KCNK3: variants seen among roughly 807,000 people sequenced by gnomAD.
The protein encoded by KCNK3 is potassium two pore domain channel subfamily K member 3, also known as potassium channel subfamily K member 3.
KCNK3 carries 9 observed loss-of-function variants against 27.3 expected under a neutral mutation model. The observed-to-expected ratio is 0.33, with a 90% CI of 0.20 to 0.57. The LOEUF (loss-of-function observed/expected upper bound fraction) is 0.57. Ranked by LOEUF, KCNK3 falls within the 20% of genes least tolerant of loss-of-function variation. The pLI is 0.87. For synonymous variants in KCNK3, 278 were observed against 273.8 expected (o/e 1.02, Z -0.15); for missense variants, 391 against 577.7 (o/e 0.68, Z 3.31).
intron 1 of KCNK3, among the ~76,000 whole-genome samples, chr2:26,699,674 C>T (rs1373380154): frequency 6.6e-6 from 1 of 152,128 alleles, no homozygotes; most frequent in African/African-American, 2.4e-5. Flanking sequence ...TCAGTGGAGA[C>T]CCAGGACGGA....
intron 1 of KCNK3, among the ~76,000 whole-genome samples, chr2:26,702,399 A>G (rs1370491492): frequency 6.6e-6 from 1 of 152,188 alleles, no homozygotes; most frequent in East Asian, 1.9e-4. Context: ...AGCAGGTCAA[A>G]TGAGAGACAC....
At chr2:26,699,670 G>A (rs944379526) in intron 1 of KCNK3, among the ~76,000 whole-genome samples, 7 of 152,166 alleles carry the variant, frequency 4.6e-5, no homozygotes, top group Admixed American at 4.6e-4. Context: ...AAGCTCAGTG[G>A]AGACCCAGGA....
At chr2:26,709,629 C>T (rs1434293863) in intron 1 of KCNK3, among the ~76,000 whole-genome samples, 1 of 152,100 alleles carries the variant, frequency 6.6e-6, no homozygotes, top group Admixed American at 6.5e-5. Context: ...TGGTGGGAGT[C>T]GGCCTGAGGT....
At position 26,724,559 on chromosome 2, in the gene KCNK3, G is replaced by A. The variant is rs1663378573; in HGVS notation, c.284-3108G>A. On this transcript the variant is annotated intron_variant, in intron 1 of 1. Transcript: ENST00000302909. ...GGATTAAGTTAAAAATACATCTGAA[G>A]GGTAAGAACTTATTATTCTTAAGCC... 6.1e-6 allele frequency: 6 copies of A among 981,182 alleles called. No individual in the cohort carries two copies. In the South Asian group the frequency reaches 2.4e-4, roughly 39 times the overall value. The allele number at this position is 981,182 out of a possible 1,614,324, so 60.8% of individuals were successfully genotyped here.
Position 26,727,969 on chromosome 2 carries a change from A to G in KCNK3, c.586A>G (p.Thr196Ala). 1 of 1,614,028 alleles carries G rather than the reference A, an allele frequency of 6.2e-7. No homozygotes were observed. Among genetic ancestry groups the G allele is most frequent in the Non-Finnish European group, 8.5e-7 (1 of 1,180,000 alleles). ...CCAGGCCTACTACTACTGCTTCATC[A>G]CCCTCACCACCATCGGCTTCGGCGA... ...FFQAYYYCFI[T>A]LTTIGFGDYV... Residue 196 changes from threonine (T) to alanine (A), a missense_variant, in exon 2 of 2, where the codon ACC becomes GCC. By Grantham distance (58) the Thr-to-Ala change is moderately conservative. Around this residue, in one of 4 missense-constraint regions of KCNK3, gnomAD observed 3 missense variants for 33.5 expected, o/e 0.09. Coordinates refer to ENST00000302909, the MANE Select transcript of KCNK3 (RefSeq NM_002246.3).
chr2:26,702,544 G>C (rs1252088214), intron 1 of KCNK3, among the ~76,000 whole-genome samples: 1 of 152,162 alleles, frequency 6.6e-6, no homozygotes, highest in Non-Finnish European at 1.5e-5. Context: ...CTCATAGAAA[G>C]ACTTGATTTA....
rs1412648287 is a variant in KCNK3, at chr2:26,721,366, C to T, written c.284-6301C>T. Among the ~76,000 whole-genome samples, 3 of 152,116 alleles carry T rather than the reference C, an allele frequency of 2.0e-5. No individual in the cohort carries two copies. The highest frequency in any genetic ancestry group is 4.8e-5 in the African/African-American group (2 of 41,416). ...GGAGGAGGGAGAGCACCTGCGCCCT[C>T]CTCCCGTCTCCACCAAGCTGCAGCC... On this transcript the variant is annotated intron_variant, in intron 1 of 1. Coordinates refer to ENST00000302909, the MANE Select transcript of KCNK3 (RefSeq NM_002246.3). The surrounding 1 kb of genome is among the most constrained non-coding windows in gnomAD (Gnocchi z 4.3).
At chr2:26,720,792 C>G (rs999270178) in intron 1 of KCNK3, among the ~76,000 whole-genome samples, 1 of 152,028 alleles carries the variant, frequency 6.6e-6, no homozygotes, top group Non-Finnish European at 1.5e-5. Flanking sequence ...GCAGAAGAAG[C>G]GGATAGGTGC....
At position 26,721,069 on chromosome 2, in the gene KCNK3, C is replaced by T. The variant is rs549587212; in HGVS notation, c.284-6598C>T. 6.6e-6 allele frequency among the ~76,000 whole-genome samples: 1 copy of T among 152,280 alleles called. No individual in the cohort carries two copies. The highest frequency in any genetic ancestry group is 2.1e-4 in the South Asian group (1 of 4,828). On this transcript the variant is annotated intron_variant, in intron 1 of 1. Coordinates refer to ENST00000302909, the MANE Select transcript of KCNK3 (RefSeq NM_002246.3). This position sits in a 1 kb window ranked among gnomAD's most constrained non-coding sequence, Gnocchi z 4.3. Reference sequence around the variant, plus strand: ...CCTGCCAAGGGCCACCTCCCGTCCCCATCCTGGATGTCTAAGGGGTGGTTT... The same window carrying T: ...CCTGCCAAGGGCCACCTCCCGTCCCTATCCTGGATGTCTAAGGGGTGGTTT...
In KCNK3 at chr2:26,721,706, G is replaced by A. The variant is rs531952517; in HGVS notation, c.284-5961G>A. ...AGCTGCCTCTGTCTCCCCCAAGCCC[G>A]CACTCCTCTCTGGCTGCCACACCAG... On this transcript the variant is annotated intron_variant, in intron 1 of 1. Coordinates refer to ENST00000302909, the MANE Select transcript of KCNK3 (RefSeq NM_002246.3). The surrounding 1 kb of genome is among the most constrained non-coding windows in gnomAD (Gnocchi z 4.3). Among the ~76,000 whole-genome samples, 145 of 152,268 alleles carry A rather than the reference G, an allele frequency of 9.5e-4. No individual in the cohort carries two copies. The highest frequency in any genetic ancestry group is 3.4e-3 in the African/African-American group (141 of 41,550).
rs1182664525 is a variant in KCNK3, at chr2:26,695,611, A to G, written c.283+2453A>G. On this transcript the variant is annotated intron_variant, in intron 1 of 1. Coordinates refer to ENST00000302909, the MANE Select transcript of KCNK3 (RefSeq NM_002246.3). ...CAACCTCCATGTGGGCAGGTCCTGC[A>G]GTTCCTGTCTCTGTGCTCCAAGTGC... Among the ~76,000 whole-genome samples the G allele has an allele frequency of 2.6e-5, 4 of 152,306 alleles. No individual in the cohort carries two copies. In the East Asian group the frequency reaches 7.7e-4, roughly 29 times the overall value.
At chr2:26,694,243 G>C (rs1183066036) in intron 1 of KCNK3, among the ~76,000 whole-genome samples, 1 of 152,106 alleles carries the variant, frequency 6.6e-6, no homozygotes, top group Admixed American at 6.5e-5. Flanking sequence ...CAGCCCCGAC[G>C]TGCTTGGATT....
intron 1 of KCNK3, among the ~76,000 whole-genome samples, chr2:26,701,730 A>T (rs934439731): frequency 6.6e-6 from 1 of 152,218 alleles, no homozygotes; most frequent in African/African-American, 2.4e-5. Context: ...ACTTGAGGTC[A>T]AAAGTCTGAG....
At chr2:26,694,116 G>A (rs1670205568) in intron 1 of KCNK3, among the ~76,000 whole-genome samples, 1 of 152,126 alleles carries the variant, frequency 6.6e-6, no homozygotes, top group Non-Finnish European at 1.5e-5. Flanking sequence ...TATGATTTCA[G>A]CCCAGCTCCA....
chr2:26,730,107 C>T lies in KCNK3; in HGVS notation c.*1539C>T, dbSNP rs1663509119. The T allele has an allele frequency of 6.6e-6, 1 of 152,224 alleles. No individual in the cohort carries two copies. The highest frequency in any genetic ancestry group is 6.5e-5 in the Admixed American group (1 of 15,282). 9.4% of individuals were successfully genotyped at this position (152,224 alleles called of 1,614,324 possible). A position where few individuals can be genotyped will look rare whatever the true frequency, so the allele number is the denominator to read the frequency against. On this transcript the variant is annotated 3_prime_UTR_variant, in exon 2 of 2. Transcript: ENST00000302909. ...CACAGGGGCCTTTGTCACTGGGGCG[C>T]ATGCTTACAAACAGTGCAGTTCTTG...
intron 1 of KCNK3, among the ~76,000 whole-genome samples, chr2:26,723,658 C>CAG (rs1258707393): frequency 2.6e-5 from 4 of 152,252 alleles, no homozygotes; most frequent in African/African-American, 9.6e-5. Context: ...TGACCTTGAA[C>CAG]AGATTGCTTT....
chr2:26,693,121 C>G lies in KCNK3; in HGVS notation c.246C>G (p.Gly82=). 6.3e-7 allele frequency: 1 copy of G among 1,580,676 alleles called. No individual in the cohort carries two copies. The highest frequency in any genetic ancestry group is 2.4e-5 in the East Asian group (1 of 42,048). ...HKAGVQWRFA[G]SFYFAITVIT... Reference sequence around the variant, plus strand: ...CCGGCGTGCAGTGGCGCTTCGCCGGCTCCTTCTACTTCGCCATCACCGTCA... The same window carrying G: ...CCGGCGTGCAGTGGCGCTTCGCCGGGTCCTTCTACTTCGCCATCACCGTCA... The change falls in exon 1 of 2, where the codon GGC becomes GGG. Residue 82 remains glycine, a synonymous_variant. Coordinates refer to ENST00000302909, the MANE Select transcript of KCNK3 (RefSeq NM_002246.3). This position sits in a 1 kb window ranked among gnomAD's most constrained non-coding sequence, Gnocchi z 5.5.
At chr2:26,705,258 C>T (rs866964544) in intron 1 of KCNK3, among the ~76,000 whole-genome samples, 1 of 152,188 alleles carries the variant, frequency 6.6e-6, no homozygotes, top group African/African-American at 2.4e-5. Flanking sequence ...TGCATGTGGC[C>T]TGGAGACAGT....
chr2:26,707,217 G>A (rs1670386441), intron 1 of KCNK3, among the ~76,000 whole-genome samples: 1 of 152,194 alleles, frequency 6.6e-6, no homozygotes, highest in East Asian at 1.9e-4. Context: ...CTGCTGGAAT[G>A]CAGGAGCCTC....
Sources: allele counts gnomAD v4.1 joint callset (sites outside exome capture counted in the v4.1 genomes callset), GRCh38; gene constraint gnomAD v4.1.1; regional missense constraint gnomAD v4.1.1; non-coding constraint Gnocchi (gnomAD v3.1); transcripts MANE v1.5; gene names NCBI Gene and HGNC (gene_info 2026-07-23, HGNC 2026-07-21).